Variants in EYS observed in about 807,000 individuals in gnomAD.
EYS encodes the protein EGF-like photoreceptor maintenance factor, also known as protein eyes shut homolog.
Under a neutral mutation model 282.1 loss-of-function variants are expected in EYS, and 250 were observed. That is an observed-to-expected ratio of 0.89 (90% confidence interval 0.80 to 0.98). The LOEUF is 0.98. Ranked by LOEUF, EYS falls within the 50% of genes least tolerant of loss-of-function variation. The pLI, the probability that EYS is intolerant of heterozygous loss-of-function variation, is 0.00. For synonymous variants in EYS, 1,355 were observed against 1,282.9 expected (o/e 1.06, Z -1.20); for missense variants, 4,016 against 3,709.0 (o/e 1.08, Z -2.15).
intron 31 of EYS, among the ~76,000 whole-genome samples, chr6:64,095,200 T>C (rs1383840187): frequency 6.6e-6 from 1 of 152,166 alleles, no homozygotes; most frequent in East Asian, 1.9e-4. Flanking sequence ...GGAATAGGTG[T>C]GGTGTGATGC....
At chr6:65,093,189 C>A (rs1180684319) in intron 12 of EYS, among the ~76,000 whole-genome samples, 1 of 151,906 alleles carries the variant, frequency 6.6e-6, no homozygotes, top group Non-Finnish European at 1.5e-5. Context: ...AATATTATCC[C>A]CAGTAAACCT....
At chr6:65,011,376 G>C (rs1305563642) in intron 13 of EYS, among the ~76,000 whole-genome samples, 1 of 152,158 alleles carries the variant, frequency 6.6e-6, no homozygotes, top group Admixed American at 6.5e-5. Context: ...TCCTTGTTAA[G>C]TTTGTCTCTT....
chr6:64,817,371 C>CA (rs1288717984), intron 21 of EYS, among the ~76,000 whole-genome samples: 1 of 151,794 alleles, frequency 6.6e-6, no homozygotes, highest in Non-Finnish European at 1.5e-5. Context: ...GAAAGAATAA[C>CA]AAAAAATAGA....
At chr6:65,578,468 T>A (rs183759100) in intron 2 of EYS, among the ~76,000 whole-genome samples, 2 of 151,996 alleles carry the variant, frequency 1.3e-5, no homozygotes, top group East Asian at 1.9e-4. Context: ...CTTGGGAGGA[T>A]GTTGGTCAAA....
chr6:64,422,695 A>G (rs1774273940), intron 28 of EYS, among the ~76,000 whole-genome samples: 1 of 152,204 alleles, frequency 6.6e-6, no homozygotes, highest in Non-Finnish European at 1.5e-5. Flanking sequence ...ACCTATTAAT[A>G]CATTTGGTCT....
chr6:65,608,155 G>A (rs1365839820), intron 2 of EYS, among the ~76,000 whole-genome samples: 3 of 151,942 alleles, frequency 2.0e-5, no homozygotes, highest in Non-Finnish European at 2.9e-5. Context: ...TGTACTTACA[G>A]AAACCTAAAT....
intron 13 of EYS, among the ~76,000 whole-genome samples, chr6:65,034,305 G>T (rs1387124403): frequency 1.3e-5 from 2 of 152,154 alleles, no homozygotes; most frequent in Non-Finnish European, 2.9e-5. Context: ...ATCTTTGTGG[G>T]ATTACTGGGA....
chr6:65,332,334 A>C, intron 11 of EYS: 1 of 751,704 alleles, frequency 1.3e-6, no homozygotes, highest in Non-Finnish European at 2.4e-6. Flanking sequence ...TTATATTCTT[A>C]CGATAAATCC....
chr6:65,385,437 C>A (rs939129340), intron 7 of EYS, among the ~76,000 whole-genome samples: 4 of 151,924 alleles, frequency 2.6e-5, no homozygotes, highest in Non-Finnish European at 5.9e-5. Context: ...CACAGCTTTG[C>A]ATTTTCATCT....
At chr6:64,932,859 A>T (rs1431107110) in intron 15 of EYS, among the ~76,000 whole-genome samples, 4 of 152,058 alleles carry the variant, frequency 2.6e-5, no homozygotes, top group Non-Finnish European at 1.5e-5. Context: ...CACACATGGT[A>T]AAGAACAATC....
At chr6:64,698,509 C>T (rs1583054383) in intron 22 of EYS, among the ~76,000 whole-genome samples, 1 of 152,034 alleles carries the variant, frequency 6.6e-6, no homozygotes, top group South Asian at 2.1e-4. Context: ...TTAAGGGCTT[C>T]TACACAGCAG....
intron 12 of EYS, among the ~76,000 whole-genome samples, chr6:65,190,475 A>T (rs1765615579): frequency 1.3e-5 from 2 of 151,254 alleles, no homozygotes; most frequent in African/African-American, 4.8e-5. Context: ...AATTTTCATG[A>T]CCCCTAAGTG....
chr6:65,330,512 A>G (rs1178347051), intron 11 of EYS: 5 of 984,256 alleles, frequency 5.1e-6, no homozygotes, highest in African/African-American at 1.8e-5. Context: ...AACCCCCAGA[A>G]AAATTTTTTG....
intron 31 of EYS, among the ~76,000 whole-genome samples, chr6:64,212,866 C>T (rs1012926669): frequency 4.1e-4 from 62 of 152,150 alleles, no homozygotes; most frequent in African/African-American, 1.3e-3. Context: ...ACCTAAATGC[C>T]CATGAGTGAT....
Position 64,668,382 on chromosome 6 carries a change from G to T in EYS, c.3444-42137C>A, listed in dbSNP as rs946683868. Among the ~76,000 whole-genome samples the T allele has an allele frequency of 8.6e-4, 131 of 152,176 alleles. 1 individual carries two copies. The highest frequency in any genetic ancestry group is 3.9e-4 in the East Asian group (2 of 5,172). The stretch of plus-strand genomic sequence containing the variant: ...ATACTTCACAAAAAGGTCCCCTGCG[G>T]TGTAGACATTGGAAAAGGTCAAAAT... On this transcript the variant is annotated intron_variant, in intron 22 of 42. Transcript: ENST00000503581.
At chr6:64,916,777 G>C (rs1055329640) in intron 15 of EYS, among the ~76,000 whole-genome samples, 1 of 152,148 alleles carries the variant, frequency 6.6e-6, no homozygotes, top group Non-Finnish European at 1.5e-5. Context: ...GTAAGTGCGT[G>C]CCTAAAGATA....
chr6:64,502,254 T>A lies in EYS; in HGVS notation c.5645-62902A>T, dbSNP rs896915487. ...TTTGTTTTGTTTTGTTTTGTTTTGT[T>A]TTTTTTGCCGGAGTCTCCCTCTGTC... On this transcript the variant is annotated intron_variant, in intron 26 of 42. Transcript: ENST00000503581. Among the ~76,000 whole-genome samples the A allele has an allele frequency of 6.7e-5, 5 of 74,328 alleles. No homozygotes were observed. In the South Asian group the frequency reaches 1.2e-3, roughly 18 times the overall value. 48.8% of individuals were successfully genotyped at this position (74,328 alleles called of 152,430 possible). A position where few individuals can be genotyped will look rare whatever the true frequency, so the allele number is the denominator to read the frequency against.
chr6:64,248,829 C>T (rs573427850), intron 30 of EYS, among the ~76,000 whole-genome samples: 6 of 151,990 alleles, frequency 3.9e-5, no homozygotes, highest in South Asian at 2.1e-4. Context: ...CCAAGGCAGG[C>T]GAATTGTGTT....
intron 26 of EYS, among the ~76,000 whole-genome samples, chr6:64,544,187 C>G (rs1036619242): frequency 6.6e-6 from 1 of 152,094 alleles, no homozygotes; most frequent in African/African-American, 2.4e-5. Context: ...GCCTTCTACT[C>G]GATTTGAGAA....
Sources: gnomAD v4.1 joint callset for allele counts (sites outside exome capture counted in the v4.1 genomes callset) on GRCh38, gnomAD v4.1.1 for gene constraint, MANE v1.5 for transcripts, NCBI Gene and HGNC (gene_info 2026-07-23, HGNC 2026-07-21) for gene names.